The following ZFYVE28 variants were observed in gnomAD, a reference collection of about 807,000 sequenced individuals.
The protein encoded by ZFYVE28 is lateral signaling target protein 2 homolog.
Under a neutral mutation model 82.1 loss-of-function variants are expected in ZFYVE28, and 40 were observed. That is an observed-to-expected ratio of 0.49 (90% CI 0.38 to 0.63). ZFYVE28 has a LOEUF of 0.63. ZFYVE28 is among the 30% of genes least tolerant of loss of function. The probability of loss-of-function intolerance (pLI) is 0.00; values close to 1 mark genes in which losing one functional copy is unlikely to be tolerated. For synonymous variants in ZFYVE28, 612 were observed against 546.1 expected (o/e 1.12, Z -1.68); for missense variants, 1,321 against 1,242.1 (o/e 1.06, Z -0.96).
chr4:2,402,068 G>A (rs1318704339), intron 1 of ZFYVE28, among the ~76,000 whole-genome samples: 1 of 152,222 alleles, frequency 6.6e-6, no homozygotes. Flanking sequence ...CCTGCCGGCT[G>A]TGGAGGGACA....
At chr4:2,304,100 G>C (rs1195313429) in intron 8 of ZFYVE28, among the ~76,000 whole-genome samples, 189 bp downstream of exon 8, 1 of 152,236 alleles carries the variant, frequency 6.6e-6, no homozygotes, top group Non-Finnish European at 1.5e-5. Flanking sequence ...CCACAGGGCA[G>C]GTGCCTCTGC....
intron 6 of ZFYVE28, among the ~76,000 whole-genome samples, chr4:2,333,773 C>A (rs557343668): frequency 6.6e-6 from 1 of 152,350 alleles, no homozygotes; most frequent in South Asian, 2.1e-4. Context: ...GCGCCCTGCG[C>A]CCTGGTGGAA....
chr4:2,302,550 C>A (rs953892704), intron 8 of ZFYVE28, among the ~76,000 whole-genome samples: 2 of 152,226 alleles, frequency 1.3e-5, no homozygotes, highest in African/African-American at 4.8e-5. Context: ...ACTGCAGCCA[C>A]GTTAGAAAGT....
chr4:2,365,803 C>G (rs886597529), intron 1 of ZFYVE28, among the ~76,000 whole-genome samples: 1 of 152,228 alleles, frequency 6.6e-6, no homozygotes. Context: ...AAGGCCCCAA[C>G]TGGACCACCT....
chr4:2,380,379 C>T (rs1728606885), intron 1 of ZFYVE28, among the ~76,000 whole-genome samples: 3 of 152,234 alleles, frequency 2.0e-5, no homozygotes. Context: ...GAGGAACTTC[C>T]TGCCACTCCA....
At chr4:2,337,571 C>A (rs949103611) in intron 4 of ZFYVE28, 75 bp from the exon 5 acceptor site, 2 of 1,187,410 alleles carry the variant, frequency 1.7e-6, no homozygotes, top group Non-Finnish European at 2.4e-6. Flanking sequence ...TGGGGGGCAT[C>A]TTCAATTAAA....
chr4:2,331,936 A>G (rs1396804608), intron 6 of ZFYVE28, among the ~76,000 whole-genome samples: 1 of 152,206 alleles, frequency 6.6e-6, no homozygotes, highest in African/African-American at 2.4e-5. Flanking sequence ...TCACAGGTGA[A>G]TAGCAGGCTC....
chr4:2,273,376 C>A, intron 9 of ZFYVE28, 87 bp from the exon 10 acceptor site: 2 of 1,157,752 alleles, frequency 1.7e-6, no homozygotes, highest in Non-Finnish European at 2.5e-6. Flanking sequence ...GCAGACCCAG[C>A]CAGAGCTCAC....
At chr4:2,363,638 T>C (rs1034398) in intron 1 of ZFYVE28, among the ~76,000 whole-genome samples, 193 of 152,300 alleles carry the variant, frequency 1.3e-3, no homozygotes, top group African/African-American at 4.6e-3. Context: ...AATCAACCTG[T>C]GTTGCGTAAC....
chr4:2,311,272 T>A (rs1032807661), intron 7 of ZFYVE28, among the ~76,000 whole-genome samples: 2 of 152,174 alleles, frequency 1.3e-5, no homozygotes, highest in Admixed American at 1.3e-4. Flanking sequence ...ACGCTTATAA[T>A]CCCAGCACTT....
intron 1 of ZFYVE28, among the ~76,000 whole-genome samples, chr4:2,357,708 G>A (rs932364197): frequency 2.0e-5 from 3 of 152,150 alleles, no homozygotes; most frequent in African/African-American, 2.4e-5. Context: ...GCTCGCTGAC[G>A]AGACACCATC....
chr4:2,412,871 CT>C (rs1182996029), intron 1 of ZFYVE28, among the ~76,000 whole-genome samples: 1 of 152,238 alleles, frequency 6.6e-6, no homozygotes, highest in Admixed American at 6.5e-5. Flanking sequence ...CCTAAAGACA[CT>C]CAGCCTGTGG....
intron 1 of ZFYVE28, among the ~76,000 whole-genome samples, chr4:2,370,381 C>T (rs1283425176): frequency 6.6e-6 from 1 of 152,184 alleles, no homozygotes; most frequent in Non-Finnish European, 1.5e-5. Flanking sequence ...CACCTGGAGT[C>T]AGCAGAGCTG....
At chr4:2,324,094 A>G (rs1053709781) in intron 6 of ZFYVE28, among the ~76,000 whole-genome samples, 2 of 152,236 alleles carry the variant, frequency 1.3e-5, no homozygotes, top group Admixed American at 1.3e-4. Flanking sequence ...ACAGAACAAG[A>G]GAGCAATATT....
chr4:2,387,491 G>A (rs140983444), intron 1 of ZFYVE28, among the ~76,000 whole-genome samples: 284 of 152,336 alleles, frequency 1.9e-3, no homozygotes, highest in African/African-American at 6.5e-3. Context: ...GGGATGTGCC[G>A]CCCCACTTGG....
At chr4:2,388,000 C>T (rs1233153692) in intron 1 of ZFYVE28, among the ~76,000 whole-genome samples, 1 of 152,230 alleles carries the variant, frequency 6.6e-6, no homozygotes, top group Non-Finnish European at 1.5e-5. Context: ...TCGCCACCCT[C>T]GGACACAGCC....
At chr4:2,412,118 C>T (rs1219889198) in intron 1 of ZFYVE28, among the ~76,000 whole-genome samples, 1 of 152,188 alleles carries the variant, frequency 6.6e-6, no homozygotes, top group Non-Finnish European at 1.5e-5. Context: ...ACGGGGATGC[C>T]TGAGGCGTAC....
chr4:2,346,235 G>C (rs994882708), intron 2 of ZFYVE28, among the ~76,000 whole-genome samples: 1 of 150,536 alleles, frequency 6.6e-6, no homozygotes, highest in African/African-American at 2.5e-5. Flanking sequence ...CCAGCTACGT[G>C]GGGGGCTGAG....
rs1718954020 is a variant in ZFYVE28 at position 2,320,753 on chromosome 4, C to T, written c.702-482G>A. Among the ~76,000 whole-genome samples the T allele has an allele frequency of 6.6e-6, 1 of 152,180 alleles. No homozygotes were observed. Among genetic ancestry groups the T allele is most frequent in the African/African-American group, 2.4e-5 (1 of 41,448 alleles). ...ACGGGTTCCCTTCCTGCAGCCTGGC[C>T]AACGCTCCACAAGCCACGAGACCAA... On this transcript the variant is annotated intron_variant, in intron 6 of 12. Transcript: ENST00000290974. This position sits in a 1 kb window ranked among gnomAD's most constrained non-coding sequence, Gnocchi z 5.1.
Sources: allele counts gnomAD v4.1 joint callset (sites outside exome capture counted in the v4.1 genomes callset), GRCh38; gene constraint gnomAD v4.1.1; non-coding constraint Gnocchi (gnomAD v3.1); transcripts MANE v1.5; gene names NCBI Gene and HGNC (gene_info 2026-07-23, HGNC 2026-07-21).